Variants in ADAD2 observed in about 807,000 individuals in gnomAD.
ADAD2 encodes adenosine deaminase domain-containing protein 2.
In ADAD2, 60 loss-of-function variants were observed where a neutral mutation model predicts 54.5. The observed-to-expected ratio is 1.10, with a 90% confidence interval of 0.89 to 1.36. ADAD2 has a LOEUF of 1.36. ADAD2 is among the 40% of genes most tolerant of loss of function. The pLI, the probability that ADAD2 is intolerant of heterozygous loss-of-function variation, is 0.00. For missense variants in ADAD2, 1,103 were observed against 801.3 expected (o/e 1.38, Z -4.54); for synonymous variants, 543 against 366.2 (o/e 1.48, Z -5.51).
rs775621482 is a variant in ADAD2, at chr16:84,196,020, C to T, written c.1258C>T (p.Leu420Phe). The change falls in exon 7 of 10, where the codon CTC (leucine) becomes TTC (phenylalanine). Residue 420 changes from leucine to phenylalanine, a missense_variant. Coordinates refer to ENST00000315906, the MANE Select transcript of ADAD2 (RefSeq NM_001145400.2). ...CCTGCTGGCCCACCTGGTGTCCCCA[C>T]TCTACAGCACCAGCCTCATCCTGGG... ...GALLAHLVSPLYSTSLILADS... is the reference protein window; with the variant it reads ...GALLAHLVSPFYSTSLILADS... 1.9e-6 allele frequency: 3 copies of T among 1,599,170 alleles called. No homozygotes were observed. In the South Asian group the frequency reaches 3.3e-5, roughly 18 times the overall value.
chr16:84,193,973 A>G (rs774026785), intron 1 of ADAD2: 8 of 1,529,756 alleles, frequency 5.2e-6, no homozygotes, highest in South Asian at 1.3e-5. Flanking sequence ...CTTTTGTGTT[A>G]TAAGTAACAC....
intron 1 of ADAD2, 86 bp from the exon 2 acceptor site, chr16:84,194,356 A>G (rs1420560065): frequency 6.4e-7 from 1 of 1,553,628 alleles, no homozygotes; most frequent in East Asian, 2.4e-5. Flanking sequence ...ACCGTCCTCG[A>G]TATCAGGTGT....
rs1451799950 is a variant in ADAD2, at chr16:84,196,738, C to T, written c.1618C>T (p.Leu540=). ...AARAVGKPYL[L]ALKTYEAAKA... is the part of the protein sequence containing the mutation. ...CAGGGCTGTGGGGAAGCCCTACCTC[C>T]TGGCCTTGAAGACCTACGAGGCTGC... The change falls in exon 9 of 10, where the codon CTG becomes TTG. Residue 540 remains leucine, a synonymous_variant. Transcript: ENST00000315906. 1 of 1,612,854 alleles carries T rather than the reference C, an allele frequency of 6.2e-7. No homozygotes were observed. The highest frequency in any genetic ancestry group is 8.5e-7 in the Non-Finnish European group (1 of 1,179,800).
intron 1 of ADAD2, chr16:84,194,056 T>C (rs1194528859): frequency 1.9e-6 from 3 of 1,607,788 alleles, no homozygotes; most frequent in Non-Finnish European, 2.6e-6. Context: ...GAAAGCAATG[T>C]GTCTGTGGCA....
chr16:84,191,763 GAC>G, intron 1 of ADAD2, 115 bp downstream of exon 1: 3 of 1,447,132 alleles, frequency 2.1e-6, no homozygotes, highest in South Asian at 2.5e-5. Flanking sequence ...TATGCTCAGA[GAC>G]ACCGCCGGAG....
Position 84,196,659 on chromosome 16 carries a change from G to GCCTC in ADAD2, c.1546_1549dup (p.Arg517LeufsTer92). 4 of 1,613,444 alleles carry GCCTC rather than the reference G, an allele frequency of 2.5e-6. No individual in the cohort carries two copies. The highest frequency in any genetic ancestry group is 3.4e-6 in the Non-Finnish European group (4 of 1,179,966). Reference sequence around the variant, plus strand: ...TCTCTTCATCCAGTGCCGCCCTGGGGCCTCCCTCCCGTCTCTGCAAGGCCT... The same window carrying GCCTC: ...TCTCTTCATCCAGTGCCGCCCTGGGGCCTCCCTCCCTCCCGTCTCTGCAAGGCCT... On this transcript the variant is annotated frameshift_variant, in exon 9 of 10. Transcript: ENST00000315906. LOFTEE classifies it high-confidence loss of function.
rs2089650383 is a variant in ADAD2, at chr16:84,191,392, G to A, written c.162G>A (p.Ala54=). 4.0e-6 allele frequency: 6 copies of A among 1,503,260 alleles called. No homozygotes were observed. Among genetic ancestry groups the A allele is most frequent in the South Asian group, 1.3e-5 (1 of 78,998 alleles). The allele number at this position is 1,503,260 out of a possible 1,614,324, so 93.1% of individuals were successfully genotyped here. A position where few individuals can be genotyped will look rare whatever the true frequency, so the allele number is the denominator to read the frequency against. The part of the protein sequence containing the change: ...GPAPAPATYR[A]EGGWPQVSVL... ...CGCCCGCGCCCGCGACGTATCGCGC[G>A]GAGGGCGGGTGGCCCCAGGTCTCGG... The change falls in exon 1 of 10, where the codon GCG becomes GCA. Residue 54 remains alanine, a synonymous_variant. Coordinates refer to ENST00000315906, the MANE Select transcript of ADAD2 (RefSeq NM_001145400.2).
Position 84,196,851 on chromosome 16 carries a change from C to A in ADAD2, c.1648-19C>A. Reference sequence around the variant, plus strand: ...CTGCAGGTACCTCCTCTCACCCCACCTCTCATCTCCCGCCCTAGGCTGGGC... The same window carrying A: ...CTGCAGGTACCTCCTCTCACCCCACATCTCATCTCCCGCCCTAGGCTGGGC... On this transcript the variant is annotated intron_variant, in intron 9 of 9. Transcript: ENST00000315906. 6.3e-7 allele frequency: 1 copy of A among 1,591,450 alleles called. No homozygotes were observed. Among genetic ancestry groups the A allele is most frequent in the Non-Finnish European group, 8.6e-7 (1 of 1,166,704 alleles).
chr16:84,197,053 G>T lies in ADAD2; in HGVS notation c.*79G>T. The T allele has an allele frequency of 7.0e-7, 1 of 1,423,948 alleles. No individual in the cohort carries two copies. The allele number at this position is 1,423,948 out of a possible 1,614,324, so 88.2% of individuals were successfully genotyped here. A position where few individuals can be genotyped will look rare whatever the true frequency, so the allele number is the denominator to read the frequency against. Reference sequence around the variant, plus strand: ...GAGTGCCCTATCTGAGGAGCGTTGTGGGGAGAACATGGGTTGTGCGGGGTG... The same window carrying T: ...GAGTGCCCTATCTGAGGAGCGTTGTTGGGAGAACATGGGTTGTGCGGGGTG... On this transcript the variant is annotated 3_prime_UTR_variant, in exon 10 of 10. Transcript: ENST00000315906.
intron 2 of ADAD2, 54 bp downstream of exon 2, chr16:84,194,636 G>C: frequency 1.9e-6 from 3 of 1,564,346 alleles, no homozygotes; most frequent in Admixed American, 3.8e-5. Context: ...AGAGGACTGA[G>C]GCTGGCAGTC....
In ADAD2 at chr16:84,196,189, A is replaced by T. The variant is rs142053460; in HGVS notation, c.1345A>T (p.Ser449Cys). The T allele has an allele frequency of 2.2e-5, 35 of 1,609,102 alleles. No homozygotes were observed. Among genetic ancestry groups the T allele is most frequent in the Non-Finnish European group, 2.8e-5 (33 of 1,179,880 alleles). ...RAIHTRPCLDSVLGPCLPPPY... is the reference protein window; with the variant it reads ...RAIHTRPCLDCVLGPCLPPPY... ...CATCCACACCCGGCCCTGCCTGGACAGTGTCCTGGGGCCATGCCTGCCACC... is the reference window on the plus strand; with the variant it reads ...CATCCACACCCGGCCCTGCCTGGACTGTGTCCTGGGGCCATGCCTGCCACC... The change falls in exon 8 of 10, where the codon AGT (serine) becomes TGT (cysteine). Residue 449 changes from serine (S) to cysteine (C), a missense_variant. Ser to Cys is a moderately radical substitution (Grantham distance 112). Transcript: ENST00000315906.
At chr16:84,196,843 C>G (rs199803670) in intron 9 of ADAD2, 27 bp from the exon 10 acceptor site, 40 of 1,592,978 alleles carry the variant, frequency 2.5e-5, no homozygotes, top group Non-Finnish European at 3.3e-5. Context: ...TACCTCCTCT[C>G]ACCCCACCTC....
Position 84,195,151 on chromosome 16 carries a change from C to T in ADAD2, c.690C>T (p.Tyr230=). 1 of 1,613,584 alleles carries T rather than the reference C, an allele frequency of 6.2e-7. No individual in the cohort carries two copies. Among genetic ancestry groups the T allele is most frequent in the Non-Finnish European group, 8.5e-7 (1 of 1,180,006 alleles). ...TCCTGTTGGACGAGCGCTCGCCATA[C>T]TGGGCCTGTAAGGGGACTGTGGCTG... ...FDLLLDERSP[Y]WACKGTVAGV... is the part of the protein sequence containing the mutation. Residue 230 remains tyrosine, a synonymous_variant, in exon 4 of 10, where the codon TAC becomes TAT. Transcript: ENST00000315906.
chr16:84,196,672 C>A lies in ADAD2; in HGVS notation c.1552C>A (p.Leu518Ile). 6.2e-7 allele frequency: 1 copy of A among 1,613,582 alleles called. No homozygotes were observed. Among genetic ancestry groups the A allele is most frequent in the Non-Finnish European group, 8.5e-7 (1 of 1,179,990 alleles). The change falls in exon 9 of 10, where the codon CTC (leucine) becomes ATC (isoleucine). Residue 518 changes from leucine (L) to isoleucine (I), a missense_variant. Physicochemically the swap from Leu to Ile is conservative, Grantham distance 5. Transcript: ENST00000315906. ...TGCCGCCCTGGGGCCTCCCTCCCGT[C>A]TCTGCAAGGCCTCCTTTCTCCGGGC... The part of the protein sequence containing the change: ...ANAALGPPSR[L>I]CKASFLRAFH...
intron 9 of ADAD2, 22 bp downstream of exon 9, chr16:84,196,789 CGTCCCGGTCCCTCTCCAGCCCTGCA>C (rs1567615271): frequency 6.2e-7 from 1 of 1,602,524 alleles, no homozygotes; most frequent in Admixed American, 1.7e-5. Context: ...ACCCTCCCCC[CGTCCCGGTCCCTCTCCAGCCCTGCA>C]GTCCCTGCCC....
intron 1 of ADAD2, 139 bp from the exon 2 acceptor site, chr16:84,194,303 C>T (rs1174973845): frequency 3.2e-6 from 5 of 1,546,150 alleles, no homozygotes; most frequent in Non-Finnish European, 3.5e-6. Context: ...GGCGATGGAG[C>T]CTGCTGGAGG....
At chr16:84,191,857 G>A (rs2089660377) in intron 1 of ADAD2, 1 of 732,532 alleles carries the variant, frequency 1.4e-6, no homozygotes. Context: ...CACACCAGAT[G>A]CTCAACTGTG....
intron 1 of ADAD2, chr16:84,194,127 C>G (rs1438626228): frequency 6.2e-7 from 1 of 1,613,804 alleles, no homozygotes. Context: ...GGAGAGGGGA[C>G]CTGGATTTGG....
Position 84,191,571 on chromosome 16 carries a change from GC to G in ADAD2, c.343del (p.Gln115ArgfsTer33). On this transcript the variant is annotated frameshift_variant, in exon 1 of 10. Coordinates refer to ENST00000315906, the MANE Select transcript of ADAD2 (RefSeq NM_001145400.2). LOFTEE classifies it high-confidence loss of function. ...CTGCCGCTCAAAGACCCACCTGCCA[GC>G]CAGGCCGTGTCCTTGCTCACGGAGT... The part of the protein sequence containing the change: ...LSLPLKDPPA[S>X]QAVSLLTEYA... 1 of 1,549,232 alleles carries G rather than the reference GC, an allele frequency of 6.5e-7. No individual in the cohort carries two copies. Among genetic ancestry groups the G allele is most frequent in the Admixed American group, 2.0e-5 (1 of 51,002 alleles).
Sources: allele counts gnomAD v4.1 joint callset, GRCh38; gene constraint gnomAD v4.1.1; transcripts MANE v1.5; gene names NCBI Gene and HGNC (gene_info 2026-07-23, HGNC 2026-07-21).